BAZ2B: variants seen among roughly 807,000 people sequenced by gnomAD.
BAZ2B encodes the protein bromodomain adjacent to zinc finger domain protein 2B.
Under a neutral mutation model 246.0 loss-of-function variants are expected in BAZ2B, and 91 were observed. The ratio of observed to expected loss-of-function variants is 0.37; its 90% confidence interval spans 0.31 to 0.44. The LOEUF (loss-of-function observed/expected upper bound fraction) is 0.44. Among genes scored for constraint, BAZ2B ranks in the 20% least tolerant of loss-of-function variants. The pLI, the probability that BAZ2B is intolerant of heterozygous loss-of-function variation, is 1.00. For missense variants in BAZ2B, 2,332 were observed against 2,533.7 expected (o/e 0.92, Z 1.71); for synonymous variants, 855 against 860.0 (o/e 0.99, Z 0.10).
chr2:159,347,422 A>T, intron 31 of BAZ2B, 64 bp downstream of exon 31: 1 of 1,478,280 alleles, frequency 6.8e-7, no homozygotes, highest in Non-Finnish European at 9.4e-7. Flanking sequence ...TATATTAGGC[A>T]AGTAATAAAC....
intron 2 of BAZ2B, among the ~76,000 whole-genome samples, chr2:159,492,967 T>C (rs1383547812): frequency 6.6e-6 from 1 of 152,174 alleles, no homozygotes; most frequent in Non-Finnish European, 1.5e-5. Flanking sequence ...ACTAACATAA[T>C]AATACAATTA....
chr2:159,640,235 G>T, the BAZ2B span, among the ~76,000 whole-genome samples: 630 of 152,134 alleles, frequency 4.1e-3, 3 homozygotes, highest in African/African-American at 0.014. Context: ...GAGAGAGATA[G>T]ATTCCAATAC....
chr2:159,557,819 T>G (rs1056432241), intron 1 of BAZ2B, among the ~76,000 whole-genome samples: 2 of 152,058 alleles, frequency 1.3e-5, no homozygotes, highest in African/African-American at 4.8e-5. Flanking sequence ...AAAGAAAGTT[T>G]AAATAAAAAC....
chr2:159,399,044 CA>C, intron 17 of BAZ2B, 150 bp from the exon 18 acceptor site: 1 of 584,754 alleles, frequency 1.7e-6, no homozygotes, highest in Non-Finnish European at 2.8e-6. Context: ...CCCCAGTTAA[CA>C]TTATGTTTAA....
chr2:159,406,823 C>T (rs1462186991), intron 14 of BAZ2B, among the ~76,000 whole-genome samples: 2 of 151,836 alleles, frequency 1.3e-5, no homozygotes, highest in Non-Finnish European at 2.9e-5. Flanking sequence ...GGCGTGATCT[C>T]GGCTCACTGC....
At chr2:159,450,819 A>C (rs2150424902) in intron 4 of BAZ2B, among the ~76,000 whole-genome samples, 1 of 151,300 alleles carries the variant, frequency 6.6e-6, no homozygotes, top group Middle Eastern at 3.4e-3. Context: ...GGCTCACTGC[A>C]ACCTCCATCT....
chr2:159,641,337 CAT>C, the BAZ2B span, among the ~76,000 whole-genome samples: 2 of 152,160 alleles, frequency 1.3e-5, no homozygotes, highest in Admixed American at 6.5e-5. Context: ...CTTTTTTCCA[CAT>C]GATTGTTGGG....
rs58161936 is a variant in BAZ2B, at chr2:159,368,858, TAA to T, written c.4213+4185_4213+4186del. Among the ~76,000 whole-genome samples the T allele has an allele frequency of 6.5e-5, 8 of 123,864 alleles. No individual in the cohort carries two copies. In the East Asian group the frequency reaches 6.8e-4, roughly 11 times the overall value. 81.3% of individuals were successfully genotyped at this position (123,864 alleles called of 152,430 possible). A position where few individuals can be genotyped will look rare whatever the true frequency, so the allele number is the denominator to read the frequency against. ...TCAATCAATGATAATCTGAAAGGCC[TAA>T]AAAAAAAAAAAAAAAAAAAAAAACT... On this transcript the variant is annotated intron_variant, in intron 27 of 36. Transcript: ENST00000392783.
At chr2:159,332,795 C>A in intron 33 of BAZ2B, 109 bp from the exon 34 acceptor site, 1 of 1,273,224 alleles carries the variant, frequency 7.9e-7, no homozygotes, top group Non-Finnish European at 1.1e-6. Context: ...GAACATTCCG[C>A]TTGCTTACAA....
upstream of BAZ2B, among the ~76,000 whole-genome samples, chr2:159,619,450 T>C (rs1696343006): frequency 6.6e-6 from 1 of 151,710 alleles, no homozygotes; most frequent in South Asian, 2.1e-4. Context: ...GGTGAAGTTA[T>C]ATGGAAATCA....
chr2:159,315,413 A>G (rs925016206), downstream of BAZ2B, among the ~76,000 whole-genome samples: 25 of 152,204 alleles, frequency 1.6e-4, no homozygotes, highest in Non-Finnish European at 7.3e-5. Flanking sequence ...TTGCTTATGA[A>G]GTTTCAGTCG....
chr2:159,477,028 G>A (rs1049630670), intron 3 of BAZ2B, among the ~76,000 whole-genome samples: 2 of 152,166 alleles, frequency 1.3e-5, no homozygotes, highest in African/African-American at 2.4e-5. Context: ...TAGTGCGGCT[G>A]GGCGCGGTGG....
intron 2 of BAZ2B, among the ~76,000 whole-genome samples, chr2:159,484,201 ACT>A (rs1188032835): frequency 6.6e-6 from 1 of 152,008 alleles, no homozygotes. Flanking sequence ...TGGATGAAAA[ACT>A]CTGATCTAAA....
At chr2:159,320,898 T>C (rs1027230599) in intron 36 of BAZ2B, among the ~76,000 whole-genome samples, 4 of 152,232 alleles carry the variant, frequency 2.6e-5, no homozygotes, top group Middle Eastern at 3.2e-3. Flanking sequence ...CCCCAAGATA[T>C]GGTGCTCTGC....
chr2:159,684,909 T>C, the BAZ2B span, among the ~76,000 whole-genome samples: 1 of 152,206 alleles, frequency 6.6e-6, no homozygotes, highest in African/African-American at 2.4e-5. Flanking sequence ...AGAAATGCTA[T>C]ATTTTCATAC....
intron 1 of BAZ2B, among the ~76,000 whole-genome samples, chr2:159,577,574 T>G (rs1413078723): frequency 6.6e-6 from 1 of 152,236 alleles, no homozygotes; most frequent in East Asian, 1.9e-4. Context: ...CAAAATGATC[T>G]GCTTGATCCA....
the BAZ2B span, among the ~76,000 whole-genome samples, chr2:159,666,651 T>C: frequency 6.6e-6 from 1 of 151,962 alleles, no homozygotes; most frequent in African/African-American, 2.4e-5. Context: ...ATGTCAGGGG[T>C]TCGAGACCAG....
chr2:159,644,419 C>CA, the BAZ2B span, among the ~76,000 whole-genome samples: 1 of 152,326 alleles, frequency 6.6e-6, no homozygotes, highest in East Asian at 1.9e-4. Flanking sequence ...ATCATGCCAA[C>CA]AGCTGTTTGG....
intron 3 of BAZ2B, among the ~76,000 whole-genome samples, chr2:159,465,300 C>A (rs185344279): frequency 1.9e-3 from 296 of 152,246 alleles, no homozygotes; most frequent in Non-Finnish European, 3.1e-3. Flanking sequence ...TGGATTAAGG[C>A]CCAACCTAAT....
Sources: allele counts gnomAD v4.1 joint callset (sites outside exome capture counted in the v4.1 genomes callset), GRCh38; gene constraint gnomAD v4.1.1; transcripts MANE v1.5; gene names NCBI Gene and HGNC (gene_info 2026-07-23, HGNC 2026-07-21).